The following FBXL17 variants were observed in gnomAD, a reference collection of about 807,000 sequenced individuals.
FBXL17 encodes the protein F-box/LRR-repeat protein 17.
A neutral mutation model predicts 66.2 loss-of-function variants in FBXL17; 22 were observed. The ratio of observed to expected loss-of-function variants is 0.33; its 90% CI spans 0.24 to 0.47. FBXL17 has a LOEUF of 0.47. Among genes scored for constraint, FBXL17 ranks in the 20% least tolerant of loss-of-function variants. The pLI is 1.00. For missense variants in FBXL17, 878 were observed against 948.2 expected (o/e 0.93, Z 0.97); for synonymous variants, 474 against 400.5 (o/e 1.18, Z -2.19).
intron 4 of FBXL17, among the ~76,000 whole-genome samples, chr5:108,292,436 T>C (rs1233048209): frequency 6.6e-6 from 1 of 152,120 alleles, no homozygotes; most frequent in Non-Finnish European, 1.5e-5. Flanking sequence ...AAAGCTTTTA[T>C]AGTCTGTATC....
At chr5:108,077,688 G>C (rs1748606812) in intron 6 of FBXL17, among the ~76,000 whole-genome samples, 1 of 151,272 alleles carries the variant, frequency 6.6e-6, no homozygotes, top group African/African-American at 2.4e-5. Context: ...TGAAAAAAAT[G>C]AAAATGATAG....
intron 4 of FBXL17, among the ~76,000 whole-genome samples, chr5:108,248,523 G>C (rs1756208772): frequency 6.6e-6 from 1 of 151,850 alleles, no homozygotes; most frequent in South Asian, 2.1e-4. Context: ...AAAGAATATA[G>C]GACTAAAACG....
At chr5:107,866,463 T>C (rs531984292) in intron 8 of FBXL17, among the ~76,000 whole-genome samples, 1 of 152,330 alleles carries the variant, frequency 6.6e-6, no homozygotes, top group South Asian at 2.1e-4. Flanking sequence ...CAAATTGCTA[T>C]GCTAATGAAG....
chr5:108,175,820 A>G (rs1288201560), intron 6 of FBXL17, among the ~76,000 whole-genome samples: 1 of 152,226 alleles, frequency 6.6e-6, no homozygotes, highest in Non-Finnish European at 1.5e-5. Context: ...TCTATATGCC[A>G]CTGTTCATAA....
chr5:108,057,246 T>C (rs1394998889), intron 6 of FBXL17, among the ~76,000 whole-genome samples: 4 of 152,106 alleles, frequency 2.6e-5, no homozygotes, highest in Admixed American at 2.0e-4. Context: ...AAAGTTCACA[T>C]CAGAAATTAA....
intron 7 of FBXL17, among the ~76,000 whole-genome samples, chr5:107,910,603 G>C (rs2112546255): frequency 6.6e-6 from 1 of 152,204 alleles, no homozygotes; most frequent in East Asian, 1.9e-4. Flanking sequence ...AAATTGGAAA[G>C]AGGCAAAATG....
intron 6 of FBXL17, among the ~76,000 whole-genome samples, chr5:108,063,142 T>C (rs78316509): frequency 6.6e-6 from 1 of 152,196 alleles, no homozygotes; most frequent in Non-Finnish European, 1.5e-5. Context: ...TCATTTTTTT[T>C]GTCTTGTTAA....
intron 3 of FBXL17, among the ~76,000 whole-genome samples, chr5:108,356,566 T>A (rs137957541): frequency 2.0e-5 from 3 of 152,020 alleles, no homozygotes; most frequent in African/African-American, 7.2e-5. Flanking sequence ...AGGAATCCAA[T>A]CTAAAGGGGT....
intron 7 of FBXL17, among the ~76,000 whole-genome samples, chr5:107,937,307 C>G (rs1750941886): frequency 6.6e-6 from 1 of 152,130 alleles, no homozygotes; most frequent in South Asian, 2.1e-4. Flanking sequence ...CTTATTCAAT[C>G]TATTGTGTGA....
At chr5:108,250,183 T>C (rs1328812634) in intron 4 of FBXL17, among the ~76,000 whole-genome samples, 3 of 152,142 alleles carry the variant, frequency 2.0e-5, no homozygotes, top group African/African-American at 7.2e-5. Context: ...TGATGAATGC[T>C]ACAGCAAATT....
At chr5:107,952,135 T>C (rs574967063) in intron 7 of FBXL17, among the ~76,000 whole-genome samples, 11 of 152,320 alleles carry the variant, frequency 7.2e-5, no homozygotes, top group Non-Finnish European at 5.9e-5. Context: ...CTTTAGTCAA[T>C]TGTGCAAGTA....
intron 7 of FBXL17, among the ~76,000 whole-genome samples, chr5:108,016,092 T>G (rs75479343): frequency 0.041 from 6,263 of 152,288 alleles, 411 homozygotes; most frequent in African/African-American, 0.14. Flanking sequence ...TTTTTTATCA[T>G]GTCTGACATA....
intron 5 of FBXL17, among the ~76,000 whole-genome samples, chr5:108,202,060 A>C (rs1427860108): frequency 1.3e-5 from 2 of 152,142 alleles, no homozygotes; most frequent in Non-Finnish European, 1.5e-5. Flanking sequence ...TAATATTTAA[A>C]ATATAAAGCC....
intron 6 of FBXL17, among the ~76,000 whole-genome samples, chr5:108,088,948 T>C (rs1424777611): frequency 1.3e-5 from 2 of 151,866 alleles, no homozygotes; most frequent in Non-Finnish European, 1.5e-5. Context: ...TGCCAAAGAG[T>C]GAACTTTTGA....
At chr5:107,945,741 A>C (rs1048192278) in intron 7 of FBXL17, among the ~76,000 whole-genome samples, 1 of 152,220 alleles carries the variant, frequency 6.6e-6, no homozygotes, top group South Asian at 2.1e-4. Context: ...GAATGATACT[A>C]CTAAAATCAG....
rs1561572052 is a variant in FBXL17 at position 108,381,601 on chromosome 5, GGA to G, written c.89_90del (p.Leu30ProfsTer264). On this transcript the variant is annotated frameshift_variant, in exon 1 of 9. Transcript: ENST00000542267. LOFTEE classifies it high-confidence loss of function. ...GCTGGGGTCCGGCGGGGCAGCCTGA[GGA>G]GAGGGCGCCGGCGGCGGCACCAACT... is the stretch of plus-strand genomic sequence containing the variant. ...CCSWCRRRRP[L>X]LRLPRRTPAK... 6.8e-7 allele frequency: 1 copy of G among 1,479,746 alleles called. No individual in the cohort carries two copies. The highest frequency in any genetic ancestry group is 2.4e-5 in the Admixed American group (1 of 42,546). The allele number at this position is 1,479,746 out of a possible 1,614,324, so 91.7% of individuals were successfully genotyped here. A position where few individuals can be genotyped will look rare whatever the true frequency, so the allele number is the denominator to read the frequency against.
intron 5 of FBXL17, among the ~76,000 whole-genome samples, chr5:108,199,154 C>T (rs921750967): frequency 9.9e-5 from 15 of 151,978 alleles, no homozygotes; most frequent in Admixed American, 9.8e-4. Flanking sequence ...TTATCATTTA[C>T]CTTAATATTG....
intron 3 of FBXL17, among the ~76,000 whole-genome samples, chr5:108,363,160 G>A (rs938635217): frequency 4.6e-5 from 7 of 151,814 alleles, no homozygotes; most frequent in African/African-American, 1.7e-4. Flanking sequence ...TTAGTGAGTG[G>A]GTCAAGGCCA....
At chr5:107,984,965 CAGAATGAAT>C (rs1323873152) in intron 7 of FBXL17, among the ~76,000 whole-genome samples, 8 of 152,152 alleles carry the variant, frequency 5.3e-5, no homozygotes, top group Non-Finnish European at 1.2e-4. Flanking sequence ...TGTAGAAAAT[CAGAATGAAT>C]TAGTATGGTG....
Sources: gnomAD v4.1 joint callset for allele counts (sites outside exome capture counted in the v4.1 genomes callset) on GRCh38, gnomAD v4.1.1 for gene constraint, MANE v1.5 for transcripts, NCBI Gene and HGNC (gene_info 2026-07-23, HGNC 2026-07-21) for gene names.